Variants in IL1RAPL2 observed in about 807,000 individuals in gnomAD.
IL1RAPL2 encodes the protein interleukin 1 receptor accessory protein like 2.
Under a neutral mutation model 44.1 loss-of-function variants are expected in IL1RAPL2, and 3 were observed. That is an observed-to-expected ratio of 0.07 (90% CI 0.03 to 0.18). The LOEUF (loss-of-function observed/expected upper bound fraction) is 0.18, where lower values mean the gene tolerates loss of function less well. Among genes scored for constraint, IL1RAPL2 ranks in the 10% least tolerant of loss-of-function variants. The pLI is 1.00. For synonymous variants in IL1RAPL2, 181 were observed against 178.8 expected (o/e 1.01, Z -0.10); for missense variants, 391 against 496.4 (o/e 0.79, Z 2.02).
At chrX:105,448,810 T>C (rs2035996359) in intron 5 of IL1RAPL2, among the ~76,000 whole-genome samples, 1 of 111,176 alleles carries the variant, frequency 9.0e-6, no homozygotes, top group Admixed American at 9.6e-5. Flanking sequence ...TTCTTCTGCT[T>C]GATCAGTCCT....
intron 6 of IL1RAPL2, among the ~76,000 whole-genome samples, chrX:105,554,591 G>A (rs888886256): frequency 1.8e-5 from 2 of 110,597 alleles, no homozygotes; most frequent in African/African-American, 6.6e-5. Flanking sequence ...TCCACGGGTC[G>A]CTGATAATCT....
intron 8 of IL1RAPL2, among the ~76,000 whole-genome samples, chrX:105,747,541 C>T (rs1158018785): frequency 3.0e-5 from 3 of 98,959 alleles, no homozygotes; most frequent in Non-Finnish European, 6.0e-5. Flanking sequence ...TATATACACA[C>T]ACACACACAC....
intron 2 of IL1RAPL2, among the ~76,000 whole-genome samples, chrX:104,970,231 CTAAA>C (rs1198318982): frequency 9.0e-6 from 1 of 111,160 alleles, no homozygotes; most frequent in Non-Finnish European, 1.9e-5. Flanking sequence ...AAATGAAACA[CTAAA>C]TAGTGAAAAT....
At chrX:105,370,696 A>C (rs1314758052) in intron 5 of IL1RAPL2, among the ~76,000 whole-genome samples, 3 of 111,979 alleles carry the variant, frequency 2.7e-5, no homozygotes, top group African/African-American at 9.7e-5. Flanking sequence ...ATATACATGC[A>C]TGTGTCTTTA....
At chrX:104,779,642 T>C (rs767638981) in intron 2 of IL1RAPL2, among the ~76,000 whole-genome samples, 5 of 112,080 alleles carry the variant, frequency 4.5e-5, no homozygotes, top group South Asian at 3.7e-4. Context: ...AAGTATGTAC[T>C]GTTATTATCA....
intron 2 of IL1RAPL2, among the ~76,000 whole-genome samples, chrX:104,946,957 T>A (rs1417322698): frequency 1.2e-4 from 11 of 95,456 alleles, no homozygotes; most frequent in African/African-American, 4.3e-4. Flanking sequence ...GGTCAAATGG[T>A]ATTTCTAGTT....
At chrX:105,203,326 TA>T (rs1158402951) in intron 3 of IL1RAPL2, among the ~76,000 whole-genome samples, 6 of 111,429 alleles carry the variant, frequency 5.4e-5, no homozygotes, top group Admixed American at 9.6e-5. Flanking sequence ...TTATGCCATC[TA>T]AAAAAAATCC....
intron 3 of IL1RAPL2, among the ~76,000 whole-genome samples, chrX:105,214,197 C>T (rs2033832161): frequency 1.0e-5 from 1 of 98,098 alleles, no homozygotes; most frequent in Non-Finnish European, 2.0e-5. Flanking sequence ...AAAGTCAAGA[C>T]CCATCAGTAT....
At chrX:104,969,675 A>G (rs1422354722) in intron 2 of IL1RAPL2, among the ~76,000 whole-genome samples, 1 of 111,777 alleles carries the variant, frequency 8.9e-6, no homozygotes, top group Non-Finnish European at 1.9e-5. Flanking sequence ...ACAACTCAAG[A>G]GAAAATTAGG....
chrX:105,167,975 G>A (rs1221810428), intron 2 of IL1RAPL2, among the ~76,000 whole-genome samples: 1 of 111,441 alleles, frequency 9.0e-6, no homozygotes, highest in East Asian at 2.8e-4. Context: ...GTTCAAAGTC[G>A]TACAGCCAAG....
At chrX:104,904,337 A>T (rs1172950388) in intron 2 of IL1RAPL2, among the ~76,000 whole-genome samples, 1 of 109,015 alleles carries the variant, frequency 9.2e-6, no homozygotes, top group African/African-American at 3.3e-5. Context: ...GTTTTAGGGT[A>T]CATGTGCACA....
intron 5 of IL1RAPL2, among the ~76,000 whole-genome samples, chrX:105,423,132 CAT>C (rs1242572949): frequency 3.6e-5 from 4 of 111,355 alleles, no homozygotes; most frequent in Non-Finnish European, 7.5e-5. Context: ...ATAGCAATAA[CAT>C]ATGTATACAA....
intron 2 of IL1RAPL2, among the ~76,000 whole-genome samples, chrX:104,992,131 A>C (rs2030673590): frequency 9.0e-6 from 1 of 111,334 alleles, no homozygotes; most frequent in Non-Finnish European, 1.9e-5. Flanking sequence ...CAATGCTAGA[A>C]ATTTAAACAA....
chrX:105,160,141 C>T (rs899220276), intron 2 of IL1RAPL2, among the ~76,000 whole-genome samples: 2 of 110,238 alleles, frequency 1.8e-5, no homozygotes, highest in East Asian at 2.9e-4. Flanking sequence ...AAGCCTTCAC[C>T]AACTTTTGTT....
At chrX:104,728,604 G>T (rs191134892) in intron 2 of IL1RAPL2, among the ~76,000 whole-genome samples, 2 of 110,911 alleles carry the variant, frequency 1.8e-5, no homozygotes, top group African/African-American at 6.6e-5. Flanking sequence ...CATGACTGAC[G>T]TCCTTATAAA....
intron 5 of IL1RAPL2, among the ~76,000 whole-genome samples, chrX:105,354,536 G>A (rs2035185522): frequency 1.9e-5 from 2 of 108,071 alleles, no homozygotes; most frequent in African/African-American, 3.4e-5. Context: ...AGCATTAGGA[G>A]ATATAGCTAA....
chrX:105,452,373 G>A (rs1189022687), intron 5 of IL1RAPL2, among the ~76,000 whole-genome samples: 1 of 111,449 alleles, frequency 9.0e-6, no homozygotes, highest in Admixed American at 9.6e-5. Flanking sequence ...AAGTTTCAGA[G>A]GTGATCCTAT....
At chrX:105,410,250 G>A (rs961393484) in intron 5 of IL1RAPL2, among the ~76,000 whole-genome samples, 1 of 110,502 alleles carries the variant, frequency 9.0e-6, no homozygotes, top group Non-Finnish European at 1.9e-5. Flanking sequence ...GGAGTCATCA[G>A]TATCTATATG....
At chrX:105,220,221 C>T in intron 3 of IL1RAPL2, 2 of 1,211,579 alleles carry the variant, frequency 1.7e-6, no homozygotes, top group Non-Finnish European at 2.2e-6. Flanking sequence ...CCTCACTGGG[C>T]ACCTCGCTGT....
Sources: gnomAD v4.1 joint callset for allele counts (sites outside exome capture counted in the v4.1 genomes callset) on GRCh38, gnomAD v4.1.1 for gene constraint, MANE v1.5 for transcripts, NCBI Gene and HGNC (gene_info 2026-07-23, HGNC 2026-07-21) for gene names.